The following RERE variants were observed in gnomAD, a reference collection of about 807,000 sequenced individuals.
The protein encoded by RERE is arginine-glutamic acid dipeptide repeats protein.
RERE carries 40 observed loss-of-function variants against 146.1 expected under a neutral mutation model. That is an observed-to-expected ratio of 0.27 (90% CI 0.21 to 0.36). RERE has a LOEUF of 0.36. RERE is among the 10% of genes least tolerant of loss of function. RERE has a pLI of 1.00. For synonymous variants in RERE, 1,003 were observed against 866.0 expected, an observed-to-expected ratio of 1.16 and a Z score of -2.78; for missense variants, 1,933 against 2,138.7, an observed-to-expected ratio of 0.90 and a Z score of 1.90.
intron 2 of RERE, among the ~76,000 whole-genome samples, chr1:8,650,826 G>A (rs1314088300): frequency 6.6e-6 from 1 of 152,070 alleles, no homozygotes; most frequent in Non-Finnish European, 1.5e-5. Context: ...GAACCCAGGA[G>A]GCGGAGGTTG....
intron 4 of RERE, among the ~76,000 whole-genome samples, chr1:8,606,485 A>AT (rs1177877753): frequency 1.3e-5 from 2 of 152,214 alleles, no homozygotes; most frequent in Non-Finnish European, 2.9e-5. Flanking sequence ...GAGAAAAATT[A>AT]TATCTGTAAG....
chr1:8,781,370 C>A (rs11586759), intron 1 of RERE, among the ~76,000 whole-genome samples: 36,029 of 145,954 alleles, frequency 0.25, 4,614 homozygotes, highest in Middle Eastern at 0.26. Flanking sequence ...AAAAAAAAAA[C>A]AACTTTTTTT....
At position 8,354,142 on chromosome 1, in the gene RERE, GT is replaced by G. The variant is rs1641201423; in HGVS notation, c.*944del. On this transcript the variant is annotated 3_prime_UTR_variant, in exon 23 of 23. Transcript: ENST00000400908. ...CACAGGCCCATGCGCTTTCCATCCC[GT>G]GGAAACAGAACAGTGACACTGGAGA... 1 of 152,462 alleles carries G rather than the reference GT, an allele frequency of 6.6e-6. No homozygotes were observed. Among genetic ancestry groups the G allele is most frequent in the South Asian group, 2.1e-4 (1 of 4,826 alleles). The allele number at this position is 152,462 out of a possible 1,614,324, so 9.4% of individuals were successfully genotyped here. A position where few individuals can be genotyped will look rare whatever the true frequency, so the allele number is the denominator to read the frequency against.
At chr1:8,757,362 C>A (rs1640664013) in intron 1 of RERE, among the ~76,000 whole-genome samples, 1 of 152,154 alleles carries the variant, frequency 6.6e-6, no homozygotes, top group Non-Finnish European at 1.5e-5. Flanking sequence ...AAAAGAAATA[C>A]CCTGGAAATC....
intron 11 of RERE, among the ~76,000 whole-genome samples, chr1:8,435,807 T>C (rs1297315100): frequency 6.6e-6 from 1 of 152,182 alleles, no homozygotes; most frequent in African/African-American, 2.4e-5. Flanking sequence ...TCAGTGCCCC[T>C]CTGGGTCTAG....
chr1:8,365,908 G>A lies in RERE; in HGVS notation c.1351C>T (p.Arg451Cys). 1 of 1,614,180 alleles carries A rather than the reference G, an allele frequency of 6.2e-7. No homozygotes were observed. Among genetic ancestry groups the A allele is most frequent in the Non-Finnish European group, 8.5e-7 (1 of 1,180,040 alleles). ...AACACGGCCTGCCTGCGGTGCCTACGATGGGCTCGGGAGCTGGCTGCTTCG... is the reference window on the plus strand; with the variant it reads ...AACACGGCCTGCCTGCGGTGCCTACAATGGGCTCGGGAGCTGGCTGCTTCG... The part of the protein sequence containing the change: ...TPEAASSRAH[R>C]RHRRQAVFRR... The change falls in exon 13 of 23, where the codon CGT becomes TGT. Residue 451 changes from arginine (R) to cysteine (C), a missense_variant. Arg to Cys is a radical substitution (Grantham distance 180, BLOSUM62 -3). This residue lies in a region of RERE where 260 missense variants were observed against 378.4 expected (regional missense o/e 0.69). Transcript: ENST00000400908.
intron 10 of RERE, among the ~76,000 whole-genome samples, chr1:8,490,533 A>C (rs956156431): frequency 6.7e-6 from 1 of 150,176 alleles, no homozygotes; most frequent in Admixed American, 6.6e-5. Context: ...CTTATAAACA[A>C]CCAGAATGTT....
intron 11 of RERE, among the ~76,000 whole-genome samples, chr1:8,439,659 C>CT (rs1644220297): frequency 3.3e-5 from 5 of 152,212 alleles, no homozygotes; most frequent in African/African-American, 1.2e-4. Context: ...ACCACACCCC[C>CT]TGGCGGTTCC....
At chr1:8,774,284 T>C (rs1432553149) in intron 1 of RERE, among the ~76,000 whole-genome samples, 6 of 152,208 alleles carry the variant, frequency 3.9e-5, no homozygotes, top group South Asian at 4.1e-4. Context: ...TCACTTCTAC[T>C]TTCTCTGGTT....
intron 7 of RERE, among the ~76,000 whole-genome samples, chr1:8,509,254 C>T (rs892351718): frequency 2.6e-5 from 4 of 152,090 alleles, no homozygotes; most frequent in Non-Finnish European, 4.4e-5. Context: ...GCCCCTATAC[C>T]ATCATTCTTT....
intron 1 of RERE, among the ~76,000 whole-genome samples, chr1:8,734,335 G>A (rs1316817096): frequency 6.6e-6 from 1 of 152,166 alleles, no homozygotes; most frequent in Non-Finnish European, 1.5e-5. Context: ...AGAAGGGAAA[G>A]GAAGGAAGTG....
At chr1:8,814,852 T>G (rs187690634) in intron 1 of RERE, among the ~76,000 whole-genome samples, 1 of 152,132 alleles carries the variant, frequency 6.6e-6, no homozygotes, top group Non-Finnish European at 1.5e-5. Context: ...AGTCACAAAG[T>G]GTAAATACTT....
chr1:8,668,779 G>A (rs953473765), intron 1 of RERE, among the ~76,000 whole-genome samples: 1 of 152,210 alleles, frequency 6.6e-6, no homozygotes, highest in African/African-American at 2.4e-5. Context: ...ACAGAGAGCA[G>A]ATTACTTGTT....
chr1:8,502,569 G>C (rs1031008603), intron 8 of RERE, among the ~76,000 whole-genome samples: 102 of 147,408 alleles, frequency 6.9e-4, no homozygotes, highest in Non-Finnish European at 1.1e-3. Flanking sequence ...GCCCGGCCAC[G>C]ACCCCTTCTG....
chr1:8,557,361 A>G, intron 5 of RERE, 57 bp downstream of exon 5: 1 of 1,152,666 alleles, frequency 8.7e-7, no homozygotes, highest in Non-Finnish European at 1.3e-6. Context: ...ATGTCTTTAG[A>G]AAGAACTTTG....
At chr1:8,630,247 T>C (rs558781622) in intron 2 of RERE, among the ~76,000 whole-genome samples, 2 of 152,260 alleles carry the variant, frequency 1.3e-5, no homozygotes, top group Admixed American at 6.5e-5. Context: ...TCTGGCATAC[T>C]GCATGTCCTC....
chr1:8,415,179 A>G (rs1257316236), intron 12 of RERE, among the ~76,000 whole-genome samples: 1 of 152,228 alleles, frequency 6.6e-6, no homozygotes, highest in Non-Finnish European at 1.5e-5. Flanking sequence ...GATATAAAAT[A>G]TAAGCTCCAA....
chr1:8,398,608 T>C (rs1643140759), intron 12 of RERE, among the ~76,000 whole-genome samples: 1 of 152,224 alleles, frequency 6.6e-6, no homozygotes, highest in African/African-American at 2.4e-5. Context: ...CATGCGTATT[T>C]ATGTTTTGAC....
At chr1:8,529,201 T>C (rs1010306519) in intron 7 of RERE, among the ~76,000 whole-genome samples, 1 of 151,858 alleles carries the variant, frequency 6.6e-6, no homozygotes, top group Non-Finnish European at 1.5e-5. Flanking sequence ...GAATTATGAA[T>C]ATAAAATTCC....
Sources: gnomAD v4.1 joint callset for allele counts (sites outside exome capture counted in the v4.1 genomes callset) on GRCh38, gnomAD v4.1.1 for gene constraint, gnomAD v4.1.1 regional missense constraint, MANE v1.5 for transcripts, NCBI Gene and HGNC (gene_info 2026-07-23, HGNC 2026-07-21) for gene names.